ZMAT4: variants seen among roughly 807,000 people sequenced by gnomAD.
The protein encoded by ZMAT4 is zinc finger matrin-type 4, also known as zinc finger matrin-type protein 4.
ZMAT4 carries 17 observed loss-of-function variants against 28.7 expected under a neutral mutation model. That is an observed-to-expected ratio of 0.59 (90% CI 0.41 to 0.89). The LOEUF is 0.89. Ranked by LOEUF, ZMAT4 falls within the 40% of genes least tolerant of loss-of-function variation. ZMAT4 has a pLI of 0.00. For synonymous variants in ZMAT4, 117 were observed against 109.2 expected (o/e 1.07, Z -0.44); for missense variants, 240 against 283.8 (o/e 0.85, Z 1.11).
chr8:40,777,222 G>T (rs1813636034), intron 2 of ZMAT4, among the ~76,000 whole-genome samples: 1 of 152,158 alleles, frequency 6.6e-6, no homozygotes, highest in South Asian at 2.1e-4. Flanking sequence ...ACATTATAAA[G>T]TGGTTGAGAA....
chr8:40,637,256 T>G (rs1563378500), intron 5 of ZMAT4, among the ~76,000 whole-genome samples: 1 of 152,102 alleles, frequency 6.6e-6, no homozygotes, highest in Non-Finnish European at 1.5e-5. Context: ...TAACATAAAA[T>G]TATTTTCAAA....
intron 5 of ZMAT4, among the ~76,000 whole-genome samples, chr8:40,632,297 C>A (rs1490772691): frequency 6.6e-6 from 1 of 152,166 alleles, no homozygotes; most frequent in East Asian, 1.9e-4. Flanking sequence ...GGGGAATAAT[C>A]CTAGCAAAAT....
intron 1 of ZMAT4, among the ~76,000 whole-genome samples, chr8:40,886,473 G>A (rs549966531): frequency 9.2e-5 from 14 of 152,296 alleles, no homozygotes; most frequent in African/African-American, 3.4e-4. Flanking sequence ...GCTTGGAGTC[G>A]CCCACTCAGG....
chr8:40,866,813 ACACACATGCATATG>A (rs2150650166), intron 1 of ZMAT4, among the ~76,000 whole-genome samples: 1 of 152,268 alleles, frequency 6.6e-6, no homozygotes, highest in Non-Finnish European at 1.5e-5. Flanking sequence ...ACATGCATAC[ACACACATGCATATG>A]CATGCATGCA....
At chr8:40,727,700 T>G (rs186233026) in intron 3 of ZMAT4, among the ~76,000 whole-genome samples, 234 of 152,336 alleles carry the variant, frequency 1.5e-3, no homozygotes, top group African/African-American at 5.5e-3. Context: ...AATCCATGTA[T>G]AAAGTATAGA....
chr8:40,653,191 A>C (rs569235616), intron 5 of ZMAT4, among the ~76,000 whole-genome samples: 28 of 152,162 alleles, frequency 1.8e-4, no homozygotes, highest in Non-Finnish European at 4.0e-4. Context: ...GACAGCAAAA[A>C]ATATACTGAG....
chr8:40,577,666 G>A (rs1046806281), intron 6 of ZMAT4, among the ~76,000 whole-genome samples: 7 of 151,952 alleles, frequency 4.6e-5, no homozygotes, highest in Admixed American at 4.6e-4. Flanking sequence ...TCAATATAAA[G>A]AAATGATAAA....
chr8:40,792,041 TG>T (rs1814349546), intron 2 of ZMAT4, among the ~76,000 whole-genome samples: 1 of 152,196 alleles, frequency 6.6e-6, no homozygotes, highest in Non-Finnish European at 1.5e-5. Context: ...AAACTAGCTA[TG>T]GGGTTGAAAC....
intron 3 of ZMAT4, among the ~76,000 whole-genome samples, chr8:40,740,742 T>C (rs1811965717): frequency 6.6e-6 from 1 of 152,192 alleles, no homozygotes; most frequent in Admixed American, 6.5e-5. Context: ...TATGGAGCCT[T>C]GTGAAAAATC....
chr8:40,767,385 A>G (rs958029726), intron 3 of ZMAT4, among the ~76,000 whole-genome samples: 1 of 152,084 alleles, frequency 6.6e-6, no homozygotes, highest in African/African-American at 2.4e-5. Context: ...TCTGCCCCAC[A>G]ACCTCTGTGT....
chr8:40,614,521 G>T (rs1207423971), intron 5 of ZMAT4, among the ~76,000 whole-genome samples: 1 of 152,088 alleles, frequency 6.6e-6, no homozygotes, highest in African/African-American at 2.4e-5. Context: ...TGTTGACAGT[G>T]GGGTGTTAAA....
At position 40,881,538 on chromosome 8, in the gene ZMAT4, GAAAGAAAGAA is replaced by G. The variant is rs1174552938; in HGVS notation, c.-5+16135_-5+16144del. On this transcript the variant is annotated intron_variant, in intron 1 of 6. Transcript: ENST00000297737. ...GGGGAGAGAGAGAGACAGAAAGAAA[GAAAGAAAGAA>G]AGAAAGAAAGAAAGAAAGAAAGAAA... 3.8e-3 allele frequency among the ~76,000 whole-genome samples: 266 copies of G among 70,376 alleles called. 5 individuals are homozygous for G. The highest frequency in any genetic ancestry group is 4.9e-3 in the African/African-American group (80 of 16,188). The allele number at this position is 70,376 out of a possible 152,430, so 46.2% of individuals were successfully genotyped here. A position where few individuals can be genotyped will look rare whatever the true frequency, so the allele number is the denominator to read the frequency against.
intron 2 of ZMAT4, among the ~76,000 whole-genome samples, chr8:40,791,321 G>A (rs1026305241): frequency 6.6e-6 from 1 of 152,150 alleles, no homozygotes; most frequent in Non-Finnish European, 1.5e-5. Flanking sequence ...ACATGGAAGC[G>A]CTCCTAGGAG....
intron 1 of ZMAT4, among the ~76,000 whole-genome samples, chr8:40,862,582 A>T (rs866732955): frequency 0.14 from 13,875 of 97,060 alleles, 598 homozygotes; most frequent in Middle Eastern, 0.19. Flanking sequence ...AAAAAAAAAA[A>T]TTAAAAAAAA....
chr8:40,660,303 A>G (rs1386310439), intron 5 of ZMAT4, among the ~76,000 whole-genome samples: 1 of 152,178 alleles, frequency 6.6e-6, no homozygotes, highest in Non-Finnish European at 1.5e-5. Context: ...TTTTAAGTTG[A>G]AGTGGCTTTT....
intron 5 of ZMAT4, among the ~76,000 whole-genome samples, chr8:40,626,384 T>C (rs1465058481): frequency 6.6e-6 from 1 of 152,172 alleles, no homozygotes; most frequent in African/African-American, 2.4e-5. Context: ...TAGGAATTCA[T>C]GGTTCCACTC....
intron 1 of ZMAT4, among the ~76,000 whole-genome samples, chr8:40,889,692 T>C (rs1563268982): frequency 6.6e-6 from 1 of 152,346 alleles, no homozygotes; most frequent in African/African-American, 2.4e-5. Flanking sequence ...CATATTCTTA[T>C]GTATTATTCA....
chr8:40,852,691 G>A (rs1173252008), intron 1 of ZMAT4, among the ~76,000 whole-genome samples: 1 of 152,114 alleles, frequency 6.6e-6, no homozygotes, highest in Non-Finnish European at 1.5e-5. Flanking sequence ...ACTTCTTTTG[G>A]TGTATCTTGC....
intron 5 of ZMAT4, among the ~76,000 whole-genome samples, chr8:40,593,814 G>T (rs1563355962): frequency 6.6e-6 from 1 of 152,138 alleles, no homozygotes; most frequent in African/African-American, 2.4e-5. Context: ...CAAGCCAGCT[G>T]TTGGGTACCT....
Sources: allele counts gnomAD v4.1 joint callset (sites outside exome capture counted in the v4.1 genomes callset), GRCh38; gene constraint gnomAD v4.1.1; transcripts MANE v1.5; gene names NCBI Gene and HGNC (gene_info 2026-07-23, HGNC 2026-07-21).